Variants in RTN1 observed in about 807,000 individuals in gnomAD.
RTN1 encodes the protein reticulon-1.
RTN1 carries 25 observed loss-of-function variants against 65.5 expected under a neutral mutation model. The observed-to-expected ratio is 0.38, with a 90% CI of 0.28 to 0.53. RTN1 has a LOEUF of 0.53. Ranked by LOEUF, RTN1 falls within the 20% of genes least tolerant of loss-of-function variation. The probability of loss-of-function intolerance (pLI) is 0.79; values close to 1 mark genes in which losing one functional copy is unlikely to be tolerated. For synonymous variants in RTN1, 471 were observed against 447.6 expected (o/e 1.05, Z -0.66); for missense variants, 983 against 1,025.4 (o/e 0.96, Z 0.57).
intron 3 of RTN1, among the ~76,000 whole-genome samples, chr14:59,626,544 AT>A (rs2140181099): frequency 6.6e-6 from 1 of 152,290 alleles, no homozygotes; most frequent in South Asian, 2.1e-4. Context: ...AACAAACAGA[AT>A]CATGTGGATG....
intron 1 of RTN1, among the ~76,000 whole-genome samples, chr14:59,821,544 T>C (rs1216676004): frequency 6.6e-6 from 1 of 152,168 alleles, no homozygotes; most frequent in Non-Finnish European, 1.5e-5. Flanking sequence ...GGACTTCCAA[T>C]AGTATGTTGA....
rs897926698 is a variant in RTN1 at position 59,605,233 on chromosome 14, C to G, written c.2112+135G>C. ...GATTAGACTGGTTCATGGTGCCATACAACTGGAGGTCTTCTGACTCTAGAA... is the reference window on the plus strand; with the variant it reads ...GATTAGACTGGTTCATGGTGCCATAGAACTGGAGGTCTTCTGACTCTAGAA... On this transcript the variant is annotated intron_variant, in intron 5 of 8. Coordinates refer to ENST00000267484, the MANE Select transcript of RTN1 (RefSeq NM_021136.3). 2.0e-5 allele frequency: 17 copies of G among 847,726 alleles called. 1 individual carries two copies. In the South Asian group the frequency reaches 3.2e-4, roughly 16 times the overall value. 52.5% of individuals were successfully genotyped at this position (847,726 alleles called of 1,614,324 possible).
chr14:59,642,508 A>G (rs1365231573), intron 3 of RTN1, among the ~76,000 whole-genome samples: 3 of 151,878 alleles, frequency 2.0e-5, no homozygotes, highest in African/African-American at 7.3e-5. Context: ...TTCTTTTTAT[A>G]TTTTTATTCT....
At position 59,749,168 on chromosome 14, in the gene RTN1, A is replaced by C. The variant is rs866800242; in HGVS notation, c.242-2687T>G. Among the ~76,000 whole-genome samples the C allele has an allele frequency of 5.0e-3, 513 of 103,490 alleles. 90 individuals carry two copies. The highest frequency in any genetic ancestry group is 0.024 in the African/African-American group (440 of 18,520). 67.9% of individuals were successfully genotyped at this position (103,490 alleles called of 152,430 possible). On this transcript the variant is annotated intron_variant, in intron 1 of 8. Coordinates refer to ENST00000267484, the MANE Select transcript of RTN1 (RefSeq NM_021136.3). ...TATCTATCTATCTATATCTATCTAT[A>C]TATCTATCTATATATCTATCTATAT... is the stretch of plus-strand genomic sequence containing the variant.
chr14:59,721,976 T>C (rs1884657058), intron 3 of RTN1, among the ~76,000 whole-genome samples: 1 of 152,246 alleles, frequency 6.6e-6, no homozygotes, highest in African/African-American at 2.4e-5. Flanking sequence ...TCCAACTTTT[T>C]CATTACTATG....
chr14:59,844,590 T>C (rs1351268451), intron 1 of RTN1, among the ~76,000 whole-genome samples: 2 of 152,038 alleles, frequency 1.3e-5, no homozygotes, highest in African/African-American at 2.4e-5. Flanking sequence ...CGCAGGAAGA[T>C]AGGGAGAGAT....
intron 1 of RTN1, among the ~76,000 whole-genome samples, chr14:59,869,368 T>C (rs990205919): frequency 2.6e-5 from 4 of 151,434 alleles, no homozygotes; most frequent in South Asian, 2.1e-4. Flanking sequence ...CACTCCACCA[T>C]AGCAAAGCTT....
intron 1 of RTN1, among the ~76,000 whole-genome samples, chr14:59,832,811 G>A (rs10483719): frequency 0.24 from 35,792 of 152,060 alleles, 4,560 homozygotes; most frequent in East Asian, 0.55. Flanking sequence ...AGGCTCTACA[G>A]TGACCTCTGC....
intron 3 of RTN1, among the ~76,000 whole-genome samples, chr14:59,618,638 G>A (rs112014486): frequency 0.016 from 2,511 of 152,338 alleles, 37 homozygotes; most frequent in African/African-American, 0.028. Context: ...AGTTACACTT[G>A]TATCTTGGCT....
At chr14:59,601,184 G>A (rs1187787772) in intron 8 of RTN1, among the ~76,000 whole-genome samples, 1 of 152,106 alleles carries the variant, frequency 6.6e-6, no homozygotes, top group African/African-American at 2.4e-5. Flanking sequence ...AGACATACTG[G>A]TTGACTGTTG....
rs868445469 is a variant in RTN1, at chr14:59,824,739, G to A, written c.241+45651C>T. 5.1e-4 allele frequency among the ~76,000 whole-genome samples: 78 copies of A among 152,264 alleles called. No individual in the cohort carries two copies. The Middle Eastern group carries it at 0.01, about 20-fold the overall frequency. Reference sequence around the variant, plus strand: ...CAGCCACAAAAAGGGTTGACAACTAGTTTAAAAAGCTACTACAATGCATTT... The same window carrying A: ...CAGCCACAAAAAGGGTTGACAACTAATTTAAAAAGCTACTACAATGCATTT... On this transcript the variant is annotated intron_variant, in intron 1 of 8. Coordinates refer to ENST00000267484, the MANE Select transcript of RTN1 (RefSeq NM_021136.3).
chr14:59,870,658 G>A lies in RTN1; in HGVS notation c.-28C>T. 1.1e-5 allele frequency: 15 copies of A among 1,354,686 alleles called. No individual in the cohort carries two copies. The highest frequency in any genetic ancestry group is 1.4e-5 in the Non-Finnish European group (15 of 1,061,258). 83.9% of individuals were successfully genotyped at this position (1,354,686 alleles called of 1,614,324 possible). ...CTGGCGGTCCCCCGGCGCGGCGACGGCGGCTTGGCTGGGCAGAGGCTCGGT... is the reference window on the plus strand; with the variant it reads ...CTGGCGGTCCCCCGGCGCGGCGACGACGGCTTGGCTGGGCAGAGGCTCGGT... On this transcript the variant is annotated 5_prime_UTR_variant, in exon 1 of 9. Coordinates refer to ENST00000267484, the MANE Select transcript of RTN1 (RefSeq NM_021136.3). The surrounding 1 kb of genome is among the most constrained non-coding windows in gnomAD (Gnocchi z 5.1).
chr14:59,669,353 G>T (rs948795328), intron 3 of RTN1, among the ~76,000 whole-genome samples: 1 of 152,050 alleles, frequency 6.6e-6, no homozygotes, highest in South Asian at 2.1e-4. Flanking sequence ...ATTATCACAA[G>T]GACAGAAAAT....
At chr14:59,757,711 C>T (rs988462481) in intron 1 of RTN1, among the ~76,000 whole-genome samples, 1 of 151,998 alleles carries the variant, frequency 6.6e-6, no homozygotes, top group Admixed American at 6.6e-5. Context: ...GAAAATGGGC[C>T]CTCACCTGAC....
chr14:59,728,735 C>T (rs900995554), intron 2 of RTN1, among the ~76,000 whole-genome samples: 1 of 152,134 alleles, frequency 6.6e-6, no homozygotes, highest in Non-Finnish European at 1.5e-5. Flanking sequence ...ATGGATAAAA[C>T]ATTTTAGATT....
chr14:59,717,914 CCTA>C (rs1372015425), intron 3 of RTN1, among the ~76,000 whole-genome samples: 6 of 152,178 alleles, frequency 3.9e-5, no homozygotes, highest in Non-Finnish European at 8.8e-5. Flanking sequence ...AAGTTCTCTG[CCTA>C]CAATTAACTG....
chr14:59,749,649 T>A (rs916374652), intron 1 of RTN1, among the ~76,000 whole-genome samples: 7 of 36,578 alleles, frequency 1.9e-4, no homozygotes, highest in Non-Finnish European at 2.7e-4. Context: ...CTATATATAT[T>A]TATATAGATA....
intron 2 of RTN1, among the ~76,000 whole-genome samples, chr14:59,744,125 C>A (rs1174201659): frequency 6.6e-6 from 1 of 152,152 alleles, no homozygotes; most frequent in African/African-American, 2.4e-5. Context: ...ATAGGAGGAA[C>A]TTTCATTAAT....
At chr14:59,622,076 C>CT (rs1882269028) in intron 3 of RTN1, among the ~76,000 whole-genome samples, 1 of 152,320 alleles carries the variant, frequency 6.6e-6, no homozygotes, top group East Asian at 1.9e-4. Flanking sequence ...TGGCTCACAC[C>CT]TGTAACCCCA....
Sources: allele counts gnomAD v4.1 joint callset (sites outside exome capture counted in the v4.1 genomes callset), GRCh38; gene constraint gnomAD v4.1.1; non-coding constraint Gnocchi (gnomAD v3.1); transcripts MANE v1.5; gene names NCBI Gene and HGNC (gene_info 2026-07-23, HGNC 2026-07-21).